CPED1: variants seen among roughly 807,000 people sequenced by gnomAD.
CPED1 encodes cadherin-like and PC-esterase domain-containing protein 1.
A neutral mutation model predicts 128.2 loss-of-function variants in CPED1; 114 were observed. The observed-to-expected ratio is 0.89, with a 90% CI of 0.76 to 1.04. The LOEUF (loss-of-function observed/expected upper bound fraction) is 1.04. CPED1 is among the 50% of genes least tolerant of loss of function. CPED1 has a pLI of 0.00. For synonymous variants in CPED1, 462 were observed against 426.7 expected, an observed-to-expected ratio of 1.08 and a Z score of -1.02; for missense variants, 1,211 against 1,207.1, an observed-to-expected ratio of 1.00 and a Z score of -0.05.
intron 14 of CPED1, among the ~76,000 whole-genome samples, chr7:121,138,178 G>T (rs982065744): frequency 6.6e-6 from 1 of 152,012 alleles, no homozygotes; most frequent in Non-Finnish European, 1.5e-5. Context: ...CTCTTCTCAT[G>T]TTCAATATGA....
At position 121,267,385 on chromosome 7, in the gene CPED1, T is replaced by C. The variant is rs1166929791; in HGVS notation, c.2721+83T>C. ...GGAAAAAGACCCGTAAGGCACTATATAATATTGAGCAACCTTCATGAAAGT... is the reference window on the plus strand; with the variant it reads ...GGAAAAAGACCCGTAAGGCACTATACAATATTGAGCAACCTTCATGAAAGT... On this transcript the variant is annotated intron_variant, in intron 21 of 22. Coordinates refer to ENST00000310396, the MANE Select transcript of CPED1 (RefSeq NM_024913.5). 5 of 665,278 alleles carry C rather than the reference T, an allele frequency of 7.5e-6. No homozygotes were observed. The African/African-American group carries it at 9.3e-5, about 12-fold the overall frequency. 41.2% of individuals were successfully genotyped at this position (665,278 alleles called of 1,614,324 possible).
chr7:121,067,783 C>G (rs951230266), intron 5 of CPED1, among the ~76,000 whole-genome samples: 1 of 152,152 alleles, frequency 6.6e-6, no homozygotes, highest in Non-Finnish European at 1.5e-5. Flanking sequence ...CTGTTGTTTC[C>G]TGACTTTTTA....
At chr7:121,207,412 G>T (rs1797545982) in intron 16 of CPED1, among the ~76,000 whole-genome samples, 1 of 152,000 alleles carries the variant, frequency 6.6e-6, no homozygotes. Flanking sequence ...AGTAAAAAAT[G>T]TAAAACAAAT....
chr7:120,999,044 G>A (rs1163999317), intron 2 of CPED1, among the ~76,000 whole-genome samples: 1 of 152,092 alleles, frequency 6.6e-6, no homozygotes, highest in African/African-American at 2.4e-5. Flanking sequence ...AACAGCCTCT[G>A]ATACATAGTG....
intron 16 of CPED1, among the ~76,000 whole-genome samples, chr7:121,157,252 TAG>T (rs377686247): frequency 6.6e-6 from 1 of 152,262 alleles, no homozygotes; most frequent in African/African-American, 2.4e-5. Flanking sequence ...AGTGCGTGTA[TAG>T]AAGTAAATTT....
chr7:121,043,320 G>A (rs1563003160), intron 3 of CPED1, among the ~76,000 whole-genome samples: 2 of 152,096 alleles, frequency 1.3e-5, no homozygotes. Flanking sequence ...AACCCTAAGA[G>A]GCTAAGTTGC....
At chr7:121,073,540 G>A (rs1398755600) in intron 5 of CPED1, among the ~76,000 whole-genome samples, 1 of 152,114 alleles carries the variant, frequency 6.6e-6, no homozygotes, top group Non-Finnish European at 1.5e-5. Flanking sequence ...TAGCTTCAGT[G>A]CCCATATCGT....
At chr7:121,286,669 A>G (rs1205610534) in intron 22 of CPED1, among the ~76,000 whole-genome samples, 1 of 152,188 alleles carries the variant, frequency 6.6e-6, no homozygotes, top group Admixed American at 6.5e-5. Context: ...GGATGGCAGC[A>G]TTGGAGAGAT....
intron 17 of CPED1, 101 bp from the exon 18 acceptor site, chr7:121,244,101 A>T: frequency 1.5e-6 from 2 of 1,344,028 alleles, no homozygotes; most frequent in Non-Finnish European, 2.1e-6. Context: ...GGATGGTCTT[A>T]CTATAATTTC....
In CPED1 at chr7:121,080,821, C is replaced by A. The variant is rs902043951; in HGVS notation, c.616+16508C>A. On this transcript the variant is annotated intron_variant, in intron 5 of 22. Transcript: ENST00000310396. The stretch of plus-strand genomic sequence containing the variant: ...TTTGAACTTCAAGATGATCACTCTT[C>A]CAGTCTCCTTCTGGTGGTAGAGACA... Among the ~76,000 whole-genome samples the A allele has an allele frequency of 5.9e-5, 9 of 152,088 alleles. No individual in the cohort carries two copies. In the East Asian group the frequency reaches 1.7e-3, roughly 29 times the overall value.
At chr7:121,257,231 G>GA (rs993960968) in intron 18 of CPED1, among the ~76,000 whole-genome samples, 2 of 151,782 alleles carry the variant, frequency 1.3e-5, no homozygotes, top group Non-Finnish European at 1.5e-5. Context: ...GAAGTTTGGG[G>GA]AAAAAAAGAC....
At chr7:121,080,479 A>C (rs776960929) in intron 5 of CPED1, among the ~76,000 whole-genome samples, 59 of 152,252 alleles carry the variant, frequency 3.9e-4, no homozygotes, top group African/African-American at 1.3e-3. Context: ...ATTTTTTTGC[A>C]GAAGTGGTCA....
intron 18 of CPED1, chr7:121,261,764 TGA>T (rs1792023736): frequency 1.3e-6 from 2 of 1,547,770 alleles, no homozygotes; most frequent in East Asian, 2.4e-5. Context: ...ACTATTTTTC[TGA>T]GAGAGTAATA....
chr7:121,021,307 C>T (rs1344760426), intron 3 of CPED1, among the ~76,000 whole-genome samples: 1 of 151,880 alleles, frequency 6.6e-6, no homozygotes, highest in Non-Finnish European at 1.5e-5. Context: ...TTTCTATCTT[C>T]CTATGTTTTA....
intron 7 of CPED1, among the ~76,000 whole-genome samples, chr7:121,114,664 A>G (rs1327845081): frequency 6.6e-6 from 1 of 152,206 alleles, no homozygotes; most frequent in Non-Finnish European, 1.5e-5. Context: ...GTCCATGCCT[A>G]TGGGTAAAGT....
At chr7:121,114,406 T>G (rs1795186077) in intron 7 of CPED1, among the ~76,000 whole-genome samples, 1 of 152,190 alleles carries the variant, frequency 6.6e-6, no homozygotes, top group Non-Finnish European at 1.5e-5. Flanking sequence ...CTTACACCCT[T>G]GAGTTCTATG....
At chr7:121,152,311 G>T (rs938849002) in intron 16 of CPED1, among the ~76,000 whole-genome samples, 1 of 152,024 alleles carries the variant, frequency 6.6e-6, no homozygotes. Context: ...AATAAATATT[G>T]CATGTGGGCT....
At chr7:121,145,653 A>G (rs1231119182) in intron 16 of CPED1, among the ~76,000 whole-genome samples, 1 of 152,120 alleles carries the variant, frequency 6.6e-6, no homozygotes, top group Non-Finnish European at 1.5e-5. Flanking sequence ...ATTCCACTTA[A>G]AATTCTAACC....
chr7:121,088,057 T>C (rs1457463380), intron 5 of CPED1, among the ~76,000 whole-genome samples: 2 of 152,192 alleles, frequency 1.3e-5, no homozygotes, highest in African/African-American at 4.8e-5. Flanking sequence ...TCTAAGATAC[T>C]TAATATATTT....
Sources: gnomAD v4.1 joint callset for allele counts (sites outside exome capture counted in the v4.1 genomes callset) on GRCh38, gnomAD v4.1.1 for gene constraint, MANE v1.5 for transcripts, NCBI Gene and HGNC (gene_info 2026-07-23, HGNC 2026-07-21) for gene names.